RIMS2: variants seen among roughly 807,000 people sequenced by gnomAD.
The protein encoded by RIMS2 is regulating synaptic membrane exocytosis 2, also known as regulating synaptic membrane exocytosis protein 2.
RIMS2 carries 59 observed loss-of-function variants against 174.4 expected under a neutral mutation model. That is an observed-to-expected ratio of 0.34 (90% confidence interval 0.27 to 0.42). The LOEUF (loss-of-function observed/expected upper bound fraction) is 0.42. RIMS2 is among the 10% of genes least tolerant of loss of function. The pLI, the probability that RIMS2 is intolerant of heterozygous loss-of-function variation, is 1.00. For missense variants in RIMS2, 1,620 were observed against 1,666.3 expected (o/e 0.97, Z 0.48); for synonymous variants, 606 against 572.5 (o/e 1.06, Z -0.84).
chr8:104,166,825 T>A (rs2098801095), intron 19 of RIMS2, among the ~76,000 whole-genome samples: 1 of 152,146 alleles, frequency 6.6e-6, no homozygotes, highest in African/African-American at 2.4e-5. Flanking sequence ...ATCATTCTTA[T>A]GCCTTTGCAT....
intron 19 of RIMS2, among the ~76,000 whole-genome samples, chr8:104,139,241 C>T (rs916273840): frequency 2.0e-5 from 3 of 152,044 alleles, no homozygotes; most frequent in Admixed American, 2.0e-4. Context: ...ATAGCTTTAG[C>T]TATTCTGAGT....
rs1329518660 is a variant in RIMS2, at chr8:103,550,083, A to T, written c.176+49021A>T. ...GTTAACAAGGATATCCAGGAATTGA[A>T]CTCAGCTCTGCACCAAGCAGACCTA... is the stretch of plus-strand genomic sequence containing the variant. On this transcript the variant is annotated intron_variant, in intron 1 of 23. Transcript: ENST00000504942. Among the ~76,000 whole-genome samples, 4 of 152,176 alleles carry T rather than the reference A, an allele frequency of 2.6e-5. No homozygotes were observed. In the South Asian group the frequency reaches 6.2e-4, roughly 24 times the overall value.
downstream of RIMS2, chr8:104,255,624 G>A (rs2099366604): frequency 6.6e-6 from 1 of 152,152 alleles, no homozygotes; most frequent in African/African-American, 2.4e-5. Context: ...CCTGTAGTGG[G>A]TATGATAGAA....
intron 1 of RIMS2, among the ~76,000 whole-genome samples, chr8:103,616,815 G>C (rs1424501411): frequency 6.6e-6 from 1 of 152,024 alleles, no homozygotes; most frequent in Non-Finnish European, 1.5e-5. Context: ...CAGATAACTA[G>C]GGAGGTAAAA....
At chr8:104,159,565 T>C (rs996678708) in intron 19 of RIMS2, among the ~76,000 whole-genome samples, 2 of 152,138 alleles carry the variant, frequency 1.3e-5, no homozygotes, top group Non-Finnish European at 2.9e-5. Context: ...TTTCTTCAGA[T>C]CCTTGCCAAT....
chr8:103,931,923 ATTAT>A (rs1365719865), intron 12 of RIMS2, among the ~76,000 whole-genome samples: 1 of 152,038 alleles, frequency 6.6e-6, no homozygotes, highest in Non-Finnish European at 1.5e-5. Context: ...TTCTTCAAGC[ATTAT>A]TTGTTTTGTG....
chr8:104,088,267 C>T (rs1181475447), intron 19 of RIMS2, among the ~76,000 whole-genome samples: 11 of 151,894 alleles, frequency 7.2e-5, no homozygotes, highest in Admixed American at 7.2e-4. Context: ...TATTTTCTTT[C>T]GATTATGACA....
intron 1 of RIMS2, among the ~76,000 whole-genome samples, chr8:103,580,822 A>G (rs996417525): frequency 8.3e-5 from 10 of 120,460 alleles, no homozygotes; most frequent in Admixed American, 2.0e-4. Flanking sequence ...GAGAAAGGGA[A>G]TACTTTTTTT....
At position 104,067,525 on chromosome 8, in the gene RIMS2, G is replaced by A. The variant is rs1232177468; in HGVS notation, c.3334+52910G>A. Among the ~76,000 whole-genome samples, 5 of 151,826 alleles carry A rather than the reference G, an allele frequency of 3.3e-5. No homozygotes were observed. In the South Asian group the frequency reaches 8.3e-4, roughly 25 times the overall value. ...CCAGCCTCAGCCTCCCAGGATGCTG[G>A]GACTATAAGCATGTGTCACCACACC... On this transcript the variant is annotated intron_variant, in intron 19 of 23. Coordinates refer to ENST00000504942, the Ensembl canonical transcript of RIMS2.
chr8:103,554,468 A>T (rs113371777), intron 1 of RIMS2, among the ~76,000 whole-genome samples: 24 of 152,322 alleles, frequency 1.6e-4, no homozygotes, highest in African/African-American at 5.8e-4. Context: ...GAGAAATGCA[A>T]ATCAAAACCA....
chr8:104,253,748 T>G (rs1588320025), downstream of RIMS2: 1 of 152,244 alleles, frequency 6.6e-6, no homozygotes, highest in East Asian at 1.9e-4. Context: ...CATTAATTTT[T>G]GAAATCCACA....
chr8:104,121,076 T>C (rs139320263), intron 19 of RIMS2, among the ~76,000 whole-genome samples: 1 of 152,264 alleles, frequency 6.6e-6, no homozygotes, highest in African/African-American at 2.4e-5. Context: ...GCAATTATGG[T>C]ACTTCGTGGT....
chr8:104,218,217 GAAA>G (rs1484404716), intron 19 of RIMS2, among the ~76,000 whole-genome samples: 2 of 152,196 alleles, frequency 1.3e-5, no homozygotes, highest in Non-Finnish European at 2.9e-5. Flanking sequence ...GAGTTGACTG[GAAA>G]ACACTTAAAT....
chr8:103,860,885 A>G (rs1024052989), intron 3 of RIMS2, among the ~76,000 whole-genome samples: 6 of 152,162 alleles, frequency 3.9e-5, no homozygotes, highest in African/African-American at 1.2e-4. Flanking sequence ...CATTTTATCC[A>G]AGTACAAATG....
At chr8:104,148,671 A>T in intron 19 of RIMS2, 1 of 1,598,364 alleles carries the variant, frequency 6.3e-7, no homozygotes, top group Non-Finnish European at 8.5e-7. Context: ...GACAAAAAGC[A>T]CCAGCATCAG....
In RIMS2 at chr8:103,587,713, T is replaced by G. The variant is rs189618780; in HGVS notation, c.176+86651T>G. 9.9e-5 allele frequency among the ~76,000 whole-genome samples: 15 copies of G among 152,164 alleles called. No homozygotes were observed. The East Asian group carries it at 2.9e-3, about 29-fold the overall frequency. On this transcript the variant is annotated intron_variant, in intron 1 of 23. Coordinates refer to ENST00000504942, the Ensembl canonical transcript of RIMS2. ...AAAGCATTTGATAAAATTCAGCATT[T>G]CATAATGAAAAATCCTCAAAAAACT...
intron 2 of RIMS2, among the ~76,000 whole-genome samples, chr8:103,761,358 A>G (rs2098111479): frequency 6.6e-6 from 1 of 152,266 alleles, no homozygotes; most frequent in African/African-American, 2.4e-5. Context: ...AATGCAATCA[A>G]TTATAGAAGG....
chr8:103,771,865 AT>A (rs1466435007), intron 3 of RIMS2, among the ~76,000 whole-genome samples: 3 of 152,108 alleles, frequency 2.0e-5, no homozygotes, highest in Non-Finnish European at 4.4e-5. Flanking sequence ...ACAGATATTT[AT>A]TGAATTTCAG....
At chr8:103,529,174 A>C (rs1027580659) in intron 1 of RIMS2, among the ~76,000 whole-genome samples, 1 of 152,210 alleles carries the variant, frequency 6.6e-6, no homozygotes, top group Non-Finnish European at 1.5e-5. Context: ...GAGTGCACTC[A>C]TGATTTGGCT....
Sources: allele counts gnomAD v4.1 joint callset (sites outside exome capture counted in the v4.1 genomes callset), GRCh38; gene constraint gnomAD v4.1.1; transcripts MANE v1.5; gene names NCBI Gene and HGNC (gene_info 2026-07-23, HGNC 2026-07-21).